LRRC43: variants seen among roughly 807,000 people sequenced by gnomAD.
LRRC43 encodes leucine rich repeat containing 43, also known as leucine-rich repeat-containing protein 43.
Under a neutral mutation model 64.3 loss-of-function variants are expected in LRRC43, and 62 were observed. The observed-to-expected ratio is 0.96, with a 90% CI of 0.79 to 1.19. The LOEUF (loss-of-function observed/expected upper bound fraction) is 1.19. Among genes scored for constraint, LRRC43 ranks in the 50% most tolerant of loss-of-function variants. The pLI is 0.00. For missense variants in LRRC43, 868 were observed against 845.0 expected (o/e 1.03, Z -0.34); for synonymous variants, 422 against 382.3 (o/e 1.10, Z -1.21).
chr12:122,173,244 C>G (rs576018164), intron 1 of LRRC43, among the ~76,000 whole-genome samples: 2 of 152,340 alleles, frequency 1.3e-5, no homozygotes, highest in Admixed American at 6.5e-5. Flanking sequence ...AGCACCTCAT[C>G]AACCTGAACT....
rs935400067 is a variant in LRRC43, at chr12:122,191,709, C to T, written c.1089+142C>T. The T allele has an allele frequency of 2.5e-5, 16 of 647,166 alleles. 1 individual carries two copies. The highest frequency in any genetic ancestry group is 1.8e-4 in the South Asian group (7 of 38,472). 40.1% of individuals were successfully genotyped at this position (647,166 alleles called of 1,614,324 possible). A position where few individuals can be genotyped will look rare whatever the true frequency, so the allele number is the denominator to read the frequency against. On this transcript the variant is annotated intron_variant, in intron 6 of 11. Coordinates refer to ENST00000339777, the MANE Select transcript of LRRC43 (RefSeq NM_001098519.2). ...TCGCTCTGTCACCCAGGCTGGAGTG[C>T]GATGGCGTAATCTCAGCTCACTGTA...
rs1482667515 is a variant in LRRC43, at chr12:122,187,684, T to C, written c.523-17T>C. 3 of 1,612,160 alleles carry C rather than the reference T, an allele frequency of 1.9e-6. No homozygotes were observed. The highest frequency in any genetic ancestry group is 1.1e-5 in the South Asian group (1 of 91,058). On this transcript the variant is annotated splice_polypyrimidine_tract_variant and intron_variant, in intron 3 of 11. Transcript: ENST00000339777. ...CTTGGGGCCCCATCGTCCCGGGCCT[T>C]CCGTGTGGTCTCCCAGGTGCTGGAG... is the stretch of plus-strand genomic sequence containing the variant.
At chr12:122,183,005 G>A, upstream of LRRC43, 4 of 1,333,140 alleles carry the variant, frequency 3.0e-6, no homozygotes, top group Non-Finnish European at 3.9e-6. Context: ...GATGAGGGCA[G>A]AAGAGAAAAC....
upstream of LRRC43, among the ~76,000 whole-genome samples, chr12:122,178,728 A>G (rs1475163829): frequency 6.6e-6 from 1 of 150,420 alleles, no homozygotes; most frequent in East Asian, 2.0e-4. Context: ...AGTAGCCGGG[A>G]TTACAGGCGT....
At chr12:122,168,551 G>T (rs924686869) in intron 1 of LRRC43, among the ~76,000 whole-genome samples, 1 of 151,946 alleles carries the variant, frequency 6.6e-6, no homozygotes, top group African/African-American at 2.4e-5. Context: ...GCCTCCTAAA[G>T]GGCTGGGATT....
In LRRC43 at chr12:122,187,717, G is replaced by T; in HGVS notation, c.539G>T (p.Gly180Val). The T allele has an allele frequency of 6.2e-7, 1 of 1,613,704 alleles. No homozygotes were observed. The highest frequency in any genetic ancestry group is 8.5e-7 in the Non-Finnish European group (1 of 1,180,026). The change falls in exon 4 of 12, where the codon GGC (glycine) becomes GTC (valine). Residue 180 changes from glycine to valine, a missense_variant. Physicochemically the swap from Gly to Val is moderately radical, Grantham distance 109. Transcript: ENST00000339777. ...PPTLKVLELY[G>V]NEISSMECLC... ...GTCTCCCAGGTGCTGGAGCTCTACG[G>T]CAATGAGATCAGCAGCATGGAGTGT...
Position 122,183,158 on chromosome 12 carries a change from ACGAGTC to A in LRRC43, c.33_38del (p.Ser13_Glu14del), listed in dbSNP as rs748214798. 1.6e-5 allele frequency: 25 copies of A among 1,548,640 alleles called. No individual in the cohort carries two copies. Among genetic ancestry groups the A allele is most frequent in the East Asian group, 7.4e-5 (3 of 40,680 alleles). ...GCGGCCCGGGCCATGGAGGCGTCGTACGAGTCCGAGTCCGAGTCCGAGTCTGAGGCC... is the reference window on the plus strand; with the variant it reads ...GCGGCCCGGGCCATGGAGGCGTCGTACGAGTCCGAGTCCGAGTCTGAGGCC... On this transcript the variant is annotated inframe_deletion, in exon 1 of 12. Transcript: ENST00000339777.
At chr12:122,198,623 CT>C (rs1012460173) in intron 7 of LRRC43, among the ~76,000 whole-genome samples, 1,180 of 100,472 alleles carry the variant, frequency 0.012, 5 homozygotes, top group African/African-American at 0.027. Context: ...TGCTTCATTC[CT>C]TTTTTTTTTT....
At chr12:122,167,986 T>C (rs2136014479) in intron 1 of LRRC43, among the ~76,000 whole-genome samples, 1 of 151,590 alleles carries the variant, frequency 6.6e-6, no homozygotes, top group Non-Finnish European at 1.5e-5. Flanking sequence ...GGCTAATTTT[T>C]GTATTTTTTA....
chr12:122,198,315 A>G (rs1397511722), intron 7 of LRRC43, among the ~76,000 whole-genome samples: 1 of 152,098 alleles, frequency 6.6e-6, no homozygotes, highest in East Asian at 1.9e-4. Context: ...CATAACGTTC[A>G]TGTTAAAGCG....
chr12:122,198,527 C>T (rs1953794513), intron 7 of LRRC43, among the ~76,000 whole-genome samples: 1 of 150,094 alleles, frequency 6.7e-6, no homozygotes, highest in African/African-American at 2.4e-5. Flanking sequence ...GATGGAATCA[C>T]AAAATACATA....
In LRRC43 at chr12:122,190,225, T is replaced by C. The variant is rs1391598067; in HGVS notation, c.758T>C (p.Leu253Pro). ...AGGACCCTCCGGCACCTGCGACTCC[T>C]GGTGCTGCAGGGAAACCCACTGGCC... is the stretch of plus-strand genomic sequence containing the variant. Reference protein sequence around the residue: ...SLRTLRHLRLLVLQGNPLALV... With the variant: ...SLRTLRHLRLPVLQGNPLALV... Residue 253 changes from leucine (L) to proline (P), a missense_variant, in exon 5 of 12, where the codon CTG (leucine) becomes CCG (proline). Leu to Pro is a moderately conservative substitution (Grantham distance 98, BLOSUM62 -3). Transcript: ENST00000339777. 6.2e-7 allele frequency: 1 copy of C among 1,614,162 alleles called. No homozygotes were observed. Among genetic ancestry groups the C allele is most frequent in the Non-Finnish European group, 8.5e-7 (1 of 1,180,014 alleles).
rs186138031 is a variant in LRRC43, at chr12:122,183,615, A to T, written c.150+321A>T. 1.9e-3 allele frequency among the ~76,000 whole-genome samples: 295 copies of T among 152,268 alleles called. 2 individuals carry two copies. The highest frequency in any genetic ancestry group is 6.5e-3 in the African/African-American group (269 of 41,562). On this transcript the variant is annotated intron_variant, in intron 1 of 11. Transcript: ENST00000339777. ...GCTTTTGTTTTGGGCAAAGAGTTCC[A>T]CAACTTTTCCCAGCCTCCGAGCATT...
At position 122,184,987 on chromosome 12, in the gene LRRC43, A is replaced by AC. The variant is rs1216132388; in HGVS notation, c.411+212dup. 6.6e-6 allele frequency among the ~76,000 whole-genome samples: 1 copy of AC among 151,658 alleles called. No homozygotes were observed. Among genetic ancestry groups the AC allele is most frequent in the Non-Finnish European group, 1.5e-5 (1 of 67,942 alleles). On this transcript the variant is annotated intron_variant, in intron 2 of 11. Transcript: ENST00000339777. The surrounding 1 kb of genome is among the most constrained non-coding windows in gnomAD (Gnocchi z 4.0). ...TCAGCCTTGCGTTTCTTCTTCCTTT[A>AC]CCCCTGGAAGCCATCATGGCACAGC...
chr12:122,168,656 C>T (rs932832186), intron 1 of LRRC43, among the ~76,000 whole-genome samples: 2 of 152,040 alleles, frequency 1.3e-5, no homozygotes, highest in African/African-American at 4.8e-5. Flanking sequence ...TACCCTTCAC[C>T]CAGCTTCCCC....
At position 122,203,453 on chromosome 12, in the gene LRRC43, G is replaced by C. The variant is rs1317543973; in HGVS notation, c.*11G>C. 1.2e-6 allele frequency: 2 copies of C among 1,604,938 alleles called. No homozygotes were observed. The highest frequency in any genetic ancestry group is 1.7e-6 in the Non-Finnish European group (2 of 1,177,302). On this transcript the variant is annotated 3_prime_UTR_variant, in exon 12 of 12. Transcript: ENST00000339777. ...ATGTTCGCCGTGTAGGGCGTGGGCA[G>C]TAAAGGCTGTTCCCAGCACTCCCGC...
chr12:122,174,951 A>G (rs1953524379), intron 1 of LRRC43, among the ~76,000 whole-genome samples: 1 of 149,200 alleles, frequency 6.7e-6, no homozygotes, highest in Admixed American at 6.8e-5. Flanking sequence ...CTCATGCCTC[A>G]GTCTCAGCCT....
rs374438917 is a variant in LRRC43, at chr12:122,189,335, G to A, written c.663-795G>A. 4.5e-5 allele frequency: 20 copies of A among 441,710 alleles called. 1 individual carries two copies. Among genetic ancestry groups the A allele is most frequent in the Middle Eastern group, 6.2e-4 (1 of 1,608 alleles). 27.4% of individuals were successfully genotyped at this position (441,710 alleles called of 1,614,324 possible). ...GTCCAACCCTCTACATGCCTGGAGCGGGCGGACGCAGCAGGGAAGGGAAGC... is the reference window on the plus strand; with the variant it reads ...GTCCAACCCTCTACATGCCTGGAGCAGGCGGACGCAGCAGGGAAGGGAAGC... On this transcript the variant is annotated intron_variant, in intron 4 of 11. Coordinates refer to ENST00000339777, the MANE Select transcript of LRRC43 (RefSeq NM_001098519.2).
Position 122,184,960 on chromosome 12 carries a change from G to A in LRRC43, c.411+181G>A, listed in dbSNP as rs751477001. On this transcript the variant is annotated intron_variant, in intron 2 of 11. Coordinates refer to ENST00000339777, the MANE Select transcript of LRRC43 (RefSeq NM_001098519.2). The surrounding 1 kb of genome is among the most constrained non-coding windows in gnomAD (Gnocchi z 4.0). The stretch of plus-strand genomic sequence containing the variant: ...GTGTGCCAGGCAGGGCCGGCTACTC[G>A]GTCAGCCTTGCGTTTCTTCTTCCTT... Among the ~76,000 whole-genome samples the A allele has an allele frequency of 1.6e-4, 24 of 152,216 alleles. No homozygotes were observed. The highest frequency in any genetic ancestry group is 5.8e-4 in the East Asian group (3 of 5,174).
Sources: gnomAD v4.1 joint callset for allele counts (sites outside exome capture counted in the v4.1 genomes callset) on GRCh38, gnomAD v4.1.1 for gene constraint, Gnocchi (gnomAD v3.1) non-coding constraint, MANE v1.5 for transcripts, NCBI Gene and HGNC (gene_info 2026-07-23, HGNC 2026-07-21) for gene names.